Variants in GCM1 observed in about 807,000 individuals in gnomAD.
GCM1 encodes the protein GCM transcription factor 1, also known as chorion-specific transcription factor GCMa.
Under a neutral mutation model 25.7 loss-of-function variants are expected in GCM1, and 2 were observed. The ratio of observed to expected loss-of-function variants is 0.08; its 90% CI spans 0.03 to 0.24. The LOEUF (loss-of-function observed/expected upper bound fraction) is 0.24, where lower values mean the gene tolerates loss of function less well. Among genes scored for constraint, GCM1 ranks in the 10% least tolerant of loss-of-function variants. The pLI, the probability that GCM1 is intolerant of heterozygous loss-of-function variation, is 1.00. For synonymous variants in GCM1, 183 were observed against 195.7 expected (o/e 0.94, Z 0.54); for missense variants, 395 against 538.7 (o/e 0.73, Z 2.64).
At chr6:53,141,688 AAAAGAAAGAAAG>A (rs113152737) in intron 2 of GCM1, among the ~76,000 whole-genome samples, 1 of 151,530 alleles carries the variant, frequency 6.6e-6, no homozygotes, top group African/African-American at 2.4e-5. Flanking sequence ...CTCTGTCTGA[AAAAGAAAGAAAG>A]AAAGAAAGAA....
intron 2 of GCM1, among the ~76,000 whole-genome samples, chr6:53,145,258 A>G (rs1763938071): frequency 6.6e-6 from 1 of 152,240 alleles, no homozygotes; most frequent in South Asian, 2.1e-4. Flanking sequence ...CACGGATTTT[A>G]TCATACTGTC....
At chr6:53,133,541 G>A (rs1283431308) in intron 3 of GCM1, among the ~76,000 whole-genome samples, 1 of 152,002 alleles carries the variant, frequency 6.6e-6, no homozygotes, top group Non-Finnish European at 1.5e-5. Context: ...GTGCGGCCTG[G>A]AGTGCAGTGG....
chr6:53,130,533 T>C (rs1763708838), intron 5 of GCM1, among the ~76,000 whole-genome samples: 3 of 152,344 alleles, frequency 2.0e-5, no homozygotes, highest in South Asian at 2.1e-4. Flanking sequence ...ATAAGTTAAG[T>C]GCTAATTCAA....
chr6:53,144,119 A>G (rs1434651195), intron 2 of GCM1, among the ~76,000 whole-genome samples: 1 of 152,232 alleles, frequency 6.6e-6, no homozygotes, highest in Non-Finnish European at 1.5e-5. Flanking sequence ...AGAAGTAAAC[A>G]GTGATACATG....
rs1339954727 is a variant in GCM1, at chr6:53,128,103, CT to C, written c.*102del. The C allele has an allele frequency of 1.8e-6, 1 of 570,456 alleles. No homozygotes were observed. The highest frequency in any genetic ancestry group is 2.0e-5 in the African/African-American group (1 of 50,762). 35.3% of individuals were successfully genotyped at this position (570,456 alleles called of 1,614,324 possible). On this transcript the variant is annotated 3_prime_UTR_variant, in exon 6 of 6. Coordinates refer to ENST00000259803, the MANE Select transcript of GCM1 (RefSeq NM_003643.4). ...GCCTTGTCTACTGCTTATCATGATT[CT>C]CATTTATCTGTGGTTATGTTTTAAA...
At chr6:53,133,000 A>C (rs1044741135) in intron 3 of GCM1, among the ~76,000 whole-genome samples, 4 of 152,216 alleles carry the variant, frequency 2.6e-5, no homozygotes, top group African/African-American at 9.6e-5. Flanking sequence ...TATGATGTGA[A>C]CCTAAATGAA....
intron 2 of GCM1, among the ~76,000 whole-genome samples, chr6:53,141,264 A>G (rs1347753499): frequency 2.0e-5 from 3 of 152,222 alleles, no homozygotes; most frequent in African/African-American, 7.2e-5. Flanking sequence ...AAAATGTCTG[A>G]TATCTTAGTA....
intron 4 of GCM1, 106 bp downstream of exon 4, chr6:53,131,901 G>A: frequency 1.4e-6 from 1 of 734,540 alleles, no homozygotes; most frequent in East Asian, 2.6e-5. Flanking sequence ...CTCTTAGAGT[G>A]TGAGCCCTCG....
intron 5 of GCM1, among the ~76,000 whole-genome samples, chr6:53,130,590 G>A (rs1319648516): frequency 6.6e-6 from 1 of 152,154 alleles, no homozygotes; most frequent in African/African-American, 2.4e-5. Context: ...CCAATTACAT[G>A]GACTTTATGG....
intron 3 of GCM1, among the ~76,000 whole-genome samples, chr6:53,132,994 A>G (rs575452885): frequency 9.9e-5 from 15 of 152,224 alleles, no homozygotes; most frequent in Admixed American, 2.0e-4. Flanking sequence ...CGTGATTATG[A>G]TGTGAACCTA....
intron 2 of GCM1, among the ~76,000 whole-genome samples, chr6:53,136,930 C>T (rs1763807553): frequency 6.6e-6 from 1 of 151,758 alleles, no homozygotes; most frequent in South Asian, 2.1e-4. Flanking sequence ...GAGCCAAGAT[C>T]ATGCCACTGC....
At chr6:53,132,959 T>G (rs1399526754) in intron 3 of GCM1, among the ~76,000 whole-genome samples, 3 of 152,188 alleles carry the variant, frequency 2.0e-5, no homozygotes, top group Admixed American at 2.0e-4. Flanking sequence ...GAATGTGTTT[T>G]AGAAAATGAA....
intron 2 of GCM1, among the ~76,000 whole-genome samples, chr6:53,145,116 G>A (rs1304655132): frequency 6.6e-6 from 1 of 152,170 alleles, no homozygotes; most frequent in Non-Finnish European, 1.5e-5. Flanking sequence ...TATTCCACAA[G>A]AGAACAATAT....
intron 2 of GCM1, among the ~76,000 whole-genome samples, chr6:53,143,182 C>T (rs1431867737): frequency 6.6e-6 from 1 of 152,200 alleles, no homozygotes; most frequent in Admixed American, 6.5e-5. Flanking sequence ...ACAGCTATTT[C>T]CGTGAGCAAT....
At position 53,128,182 on chromosome 6, in the gene GCM1, G is replaced by A; in HGVS notation, c.*24C>T. On this transcript the variant is annotated 3_prime_UTR_variant, in exon 6 of 6. Coordinates refer to ENST00000259803, the MANE Select transcript of GCM1 (RefSeq NM_003643.4). ...CCCTTCCCCATTTTTGAGGGGCTGGGGTGCACATAGTGAAAGATTTGGGTC... is the reference window on the plus strand; with the variant it reads ...CCCTTCCCCATTTTTGAGGGGCTGGAGTGCACATAGTGAAAGATTTGGGTC... 1 of 1,583,324 alleles carries A rather than the reference G, an allele frequency of 6.3e-7. No individual in the cohort carries two copies. Among genetic ancestry groups the A allele is most frequent in the Non-Finnish European group, 8.6e-7 (1 of 1,166,100 alleles).
In GCM1 at chr6:53,130,013, G is replaced by A. The variant is rs538336584; in HGVS notation, c.570+790C>T. Among the ~76,000 whole-genome samples the A allele has an allele frequency of 1.6e-4, 25 of 152,308 alleles. No individual in the cohort carries two copies. The South Asian group carries it at 4.1e-3, about 25-fold the overall frequency. ...GGCTGTGACCAGGTAGATTGGATGA[G>A]AGACTGAAATGCCACTTGACTTGTC... On this transcript the variant is annotated intron_variant, in intron 5 of 5. Coordinates refer to ENST00000259803, the MANE Select transcript of GCM1 (RefSeq NM_003643.4).
intron 2 of GCM1, among the ~76,000 whole-genome samples, chr6:53,137,012 A>G (rs1372927252): frequency 6.6e-6 from 1 of 152,026 alleles, no homozygotes; most frequent in Non-Finnish European, 1.5e-5. Flanking sequence ...CCAAGTCCCT[A>G]TAAAATAAAA....
chr6:53,130,393 A>G (rs764057846), intron 5 of GCM1, among the ~76,000 whole-genome samples: 15 of 152,098 alleles, frequency 9.9e-5, no homozygotes, highest in Non-Finnish European at 1.6e-4. Flanking sequence ...ATCTTGGTAG[A>G]GTGTGCTAAG....
In GCM1 at chr6:53,134,166, A is replaced by G; in HGVS notation, c.234T>C (p.Gly78=). The G allele has an allele frequency of 6.2e-7, 1 of 1,613,918 alleles. No individual in the cohort carries two copies. Among genetic ancestry groups the G allele is most frequent in the South Asian group, 1.1e-5 (1 of 91,070 alleles). The change falls in exon 3 of 6, where the codon GGT becomes GGC. Residue 78 remains glycine, a synonymous_variant. Coordinates refer to ENST00000259803, the MANE Select transcript of GCM1 (RefSeq NM_003643.4). The stretch of plus-strand genomic sequence containing the variant: ...GACAGTCGCGGCCGCACACCACCAC[A>G]CCCAGGCAGGACTTCTTGAGGATGC... ...NSRILKKSCL[G]VVVCGRDCLA... is the part of the protein sequence containing the mutation.
Sources: gnomAD v4.1 joint callset for allele counts (sites outside exome capture counted in the v4.1 genomes callset) on GRCh38, gnomAD v4.1.1 for gene constraint, MANE v1.5 for transcripts, NCBI Gene and HGNC (gene_info 2026-07-23, HGNC 2026-07-21) for gene names.